The following SEPTIN6 variants were observed in gnomAD, a reference collection of about 807,000 sequenced individuals.
SEPTIN6 encodes septin 6.
Under a neutral mutation model 33.6 loss-of-function variants are expected in SEPTIN6, and 8 were observed. That is an observed-to-expected ratio of 0.24 (90% CI 0.14 to 0.43). The LOEUF is 0.43. SEPTIN6 is among the 20% of genes least tolerant of loss of function. The probability of loss-of-function intolerance (pLI) is 1.00; values close to 1 mark genes in which losing one functional copy is unlikely to be tolerated. For synonymous variants in SEPTIN6, 131 were observed against 140.0 expected (o/e 0.94, Z 0.45); for missense variants, 250 against 340.8 (o/e 0.73, Z 2.10).
chrX:119,689,484 CT>C lies in SEPTIN6; in HGVS notation c.30+3591del, dbSNP rs761706170. Among the ~76,000 whole-genome samples, 132 of 111,698 alleles carry C rather than the reference CT, an allele frequency of 1.2e-3. 1 individual carries two copies. The highest frequency in any genetic ancestry group is 4.1e-3 in the African/African-American group (127 of 30,798). On this transcript the variant is annotated intron_variant, in intron 1 of 10. Transcript: ENST00000394610. ...AGACTATAAGCTTAAAAGCCACGAA[CT>C]TTTTTTTGTTTTGTTTTTTGAGACG... is the stretch of plus-strand genomic sequence containing the variant.
At chrX:119,689,878 G>A (rs1327219427) in intron 1 of SEPTIN6, among the ~76,000 whole-genome samples, 1 of 107,568 alleles carries the variant, frequency 9.3e-6, no homozygotes, top group African/African-American at 3.4e-5. Context: ...TTACAGGCAC[G>A]CACCACCACG....
intron 4 of SEPTIN6, among the ~76,000 whole-genome samples, chrX:119,650,662 G>C (rs762042220): frequency 9.0e-6 from 1 of 111,168 alleles, no homozygotes; most frequent in Non-Finnish European, 1.9e-5. Flanking sequence ...AGCCCAAGCC[G>C]GGTGTGATAT....
At chrX:119,682,549 GCT>G (rs1428797676) in intron 1 of SEPTIN6, among the ~76,000 whole-genome samples, 1 of 111,323 alleles carries the variant, frequency 9.0e-6, no homozygotes, top group Non-Finnish European at 1.9e-5. Flanking sequence ...CAGAAACACT[GCT>G]CTCTTTCTCT....
At chrX:119,631,566 G>C (rs1467889492) in intron 8 of SEPTIN6, among the ~76,000 whole-genome samples, 5 of 109,852 alleles carry the variant, frequency 4.6e-5, no homozygotes, top group Non-Finnish European at 9.5e-5. Flanking sequence ...ATTTGTCTTT[G>C]AGATCCCCTC....
rs558592031 is a variant in SEPTIN6, at chrX:119,668,249, T to A, written c.146-4572A>T. Among the ~76,000 whole-genome samples, 3 of 110,083 alleles carry A rather than the reference T, an allele frequency of 2.7e-5. No homozygotes were observed. In the South Asian group the frequency reaches 1.2e-3, roughly 43 times the overall value. ...AGGCGGAGGTTGCAGTGAGCAGAGA[T>A]CTCACCACCACACTCCAGCCTGGGC... is the stretch of plus-strand genomic sequence containing the variant. On this transcript the variant is annotated intron_variant, in intron 2 of 10. Transcript: ENST00000394610.
intron 1 of SEPTIN6, among the ~76,000 whole-genome samples, chrX:119,679,073 G>A (rs1021283604): frequency 5.5e-5 from 6 of 109,933 alleles, no homozygotes; most frequent in Non-Finnish European, 9.5e-5. Flanking sequence ...TCAGCCTCCC[G>A]AGTAGCTGGG....
intron 1 of SEPTIN6, among the ~76,000 whole-genome samples, chrX:119,685,487 T>C (rs2055040564): frequency 1.8e-5 from 2 of 111,162 alleles, no homozygotes; most frequent in South Asian, 7.5e-4. Context: ...CACCATACAA[T>C]GTTAGAGCTG....
intron 2 of SEPTIN6, among the ~76,000 whole-genome samples, chrX:119,674,436 CA>C (rs1205337168): frequency 8.9e-6 from 1 of 112,115 alleles, no homozygotes; most frequent in Non-Finnish European, 1.9e-5. Flanking sequence ...CTCGGCCTCC[CA>C]AAGTGCTGGG....
intron 5 of SEPTIN6, among the ~76,000 whole-genome samples, chrX:119,641,395 A>G (rs10482498): frequency 0.28 from 30,682 of 111,259 alleles, 3,268 homozygotes; most frequent in African/African-American, 0.37. Context: ...AGGTGCTATA[A>G]GGCAGACAGA....
chrX:119,617,391 T>A lies in SEPTIN6; in HGVS notation c.*2702A>T. On this transcript the variant is annotated 3_prime_UTR_variant, in exon 11 of 11. Transcript: ENST00000394610. ...TTTTTAATTTATGTTCACTCATGGG[T>A]TCGATTTTTGTTCACCAAACTTCCC... The A allele has an allele frequency of 2.5e-6, 2 of 804,317 alleles. No homozygotes were observed. The highest frequency in any genetic ancestry group is 3.0e-6 in the Non-Finnish European group (2 of 670,155). The allele number at this position is 804,317 out of a possible 1,213,427, so 66.3% of individuals were successfully genotyped here. A position where few individuals can be genotyped will look rare whatever the true frequency, so the allele number is the denominator to read the frequency against.
At chrX:119,668,338 G>A (rs60429652) in intron 2 of SEPTIN6, among the ~76,000 whole-genome samples, 45,622 of 109,148 alleles carry the variant, frequency 0.42, 7,561 homozygotes, top group African/African-American at 0.62. Flanking sequence ...GAGAGACAGA[G>A]AGAGAGACAG....
At chrX:119,637,411 C>G (rs2054079938) in intron 6 of SEPTIN6, among the ~76,000 whole-genome samples, 1 of 112,359 alleles carries the variant, frequency 8.9e-6, no homozygotes, top group Non-Finnish European at 1.9e-5. Flanking sequence ...CATAAAAATA[C>G]TTATTAAGAC....
intron 3 of SEPTIN6, among the ~76,000 whole-genome samples, chrX:119,661,324 G>C (rs917384026): frequency 9.1e-6 from 1 of 109,507 alleles, no homozygotes; most frequent in Non-Finnish European, 1.9e-5. Context: ...CCAGCTACTC[G>C]GGAGGCTGAG....
chrX:119,633,221 G>A (rs2053998055), intron 8 of SEPTIN6, 139 bp downstream of exon 8: 3 of 551,745 alleles, frequency 5.4e-6, no homozygotes, highest in Non-Finnish European at 8.6e-6. Flanking sequence ...AGGTCTTTGA[G>A]GAATCACCAC....
chrX:119,662,947 T>A (rs2054573540), intron 3 of SEPTIN6, among the ~76,000 whole-genome samples: 1 of 112,176 alleles, frequency 8.9e-6, no homozygotes, highest in African/African-American at 3.2e-5. Flanking sequence ...AAACAGTTCG[T>A]CCTTCAAGAG....
At chrX:119,686,307 C>T (rs2055053511) in intron 1 of SEPTIN6, among the ~76,000 whole-genome samples, 1 of 111,434 alleles carries the variant, frequency 9.0e-6, no homozygotes, top group South Asian at 3.8e-4. Context: ...GGAAACCGAA[C>T]ACGACCTCAC....
At chrX:119,637,563 A>T (rs983651750) in intron 6 of SEPTIN6, among the ~76,000 whole-genome samples, 3 of 106,477 alleles carry the variant, frequency 2.8e-5, no homozygotes, top group Non-Finnish European at 5.8e-5. Context: ...CCATCTATCC[A>T]TCCATCCATC....
intron 8 of SEPTIN6, among the ~76,000 whole-genome samples, chrX:119,633,080 C>T (rs982432311): frequency 1.8e-5 from 2 of 112,375 alleles, no homozygotes; most frequent in Non-Finnish European, 3.8e-5. Context: ...TCCAATCTAT[C>T]ATTGATGGGC....
At chrX:119,682,881 T>C (rs772672634) in intron 1 of SEPTIN6, among the ~76,000 whole-genome samples, 12 of 111,995 alleles carry the variant, frequency 1.1e-4, no homozygotes, top group Middle Eastern at 4.6e-3. Flanking sequence ...TTCTAAAGAA[T>C]AAAAGCAAAA....
Sources: allele counts gnomAD v4.1 joint callset (sites outside exome capture counted in the v4.1 genomes callset), GRCh38; gene constraint gnomAD v4.1.1; transcripts MANE v1.5; gene names NCBI Gene and HGNC (gene_info 2026-07-23, HGNC 2026-07-21).